Variants in ITFG1 observed in about 807,000 individuals in gnomAD.
The protein encoded by ITFG1 is T-cell immunomodulatory protein.
Under a neutral mutation model 81.8 loss-of-function variants are expected in ITFG1, and 34 were observed. That is an observed-to-expected ratio of 0.42 (90% CI 0.32 to 0.55). The LOEUF (loss-of-function observed/expected upper bound fraction) is 0.55, where lower values mean the gene tolerates loss of function less well. ITFG1 is among the 20% of genes least tolerant of loss of function. ITFG1 has a pLI of 0.17. For missense variants in ITFG1, 672 were observed against 755.4 expected (o/e 0.89, Z 1.29); for synonymous variants, 285 against 270.6 (o/e 1.05, Z -0.52).
At chr16:47,208,570 T>C (rs76694345) in intron 14 of ITFG1, among the ~76,000 whole-genome samples, 1 of 152,198 alleles carries the variant, frequency 6.6e-6, no homozygotes, top group African/African-American at 2.4e-5. Context: ...TTTACTTTAA[T>C]TGTATCGCTT....
At chr16:47,232,691 C>T (rs141883799) in intron 13 of ITFG1, among the ~76,000 whole-genome samples, 1 of 150,938 alleles carries the variant, frequency 6.6e-6, no homozygotes, top group East Asian at 2.0e-4. Context: ...GCCTAGGCTG[C>T]AGTGCAGTGG....
At chr16:47,283,342 C>T (rs1966470299) in intron 10 of ITFG1, among the ~76,000 whole-genome samples, 1 of 152,074 alleles carries the variant, frequency 6.6e-6, no homozygotes, top group South Asian at 2.1e-4. Context: ...AGAGACTGTC[C>T]TCTCCCCATT....
intron 8 of ITFG1, among the ~76,000 whole-genome samples, chr16:47,316,393 C>T (rs946781103): frequency 1.2e-4 from 19 of 152,046 alleles, no homozygotes; most frequent in African/African-American, 3.1e-4. Flanking sequence ...AAATTTTTTT[C>T]GGAACCATGT....
chr16:47,393,029 A>C (rs1182607593), intron 6 of ITFG1, among the ~76,000 whole-genome samples: 1 of 152,212 alleles, frequency 6.6e-6, no homozygotes, highest in Non-Finnish European at 1.5e-5. Context: ...ATGGATAATA[A>C]CTATTTGTTG....
At chr16:47,402,027 C>A (rs183400515) in intron 6 of ITFG1, among the ~76,000 whole-genome samples, 4 of 152,196 alleles carry the variant, frequency 2.6e-5, no homozygotes, top group Admixed American at 2.6e-4. Flanking sequence ...TTTTCTCATC[C>A]CCAAGGGGCT....
intron 5 of ITFG1, chr16:47,450,344 A>G: frequency 8.8e-6 from 2 of 228,070 alleles, no homozygotes; most frequent in South Asian, 8.6e-5. Flanking sequence ...ATTCTTTATT[A>G]AAAACCTACA....
intron 14 of ITFG1, among the ~76,000 whole-genome samples, chr16:47,197,326 C>G (rs1246004809): frequency 6.6e-6 from 1 of 152,130 alleles, no homozygotes; most frequent in Non-Finnish European, 1.5e-5. Context: ...TCCACAATCC[C>G]CCTTCTCTTA....
chr16:47,296,117 C>A (rs1465502969), intron 10 of ITFG1, among the ~76,000 whole-genome samples: 8 of 147,792 alleles, frequency 5.4e-5, no homozygotes, highest in Non-Finnish European at 8.9e-5. Context: ...TTAAATTGTT[C>A]GTAGAGGTAG....
chr16:47,318,170 A>C (rs764287057), intron 8 of ITFG1, among the ~76,000 whole-genome samples: 2 of 152,208 alleles, frequency 1.3e-5, no homozygotes, highest in South Asian at 4.1e-4. Flanking sequence ...GGCAACCACC[A>C]TAGCAGTTTC....
rs57470225 is a variant in ITFG1 at position 47,244,591 on chromosome 16, TTGTGTGTGTGTGTGTGTGTG to T, written c.1331-6603_1331-6584del. 4.5e-3 allele frequency among the ~76,000 whole-genome samples: 533 copies of T among 118,222 alleles called. 1 individual carries two copies. Among genetic ancestry groups the T allele is most frequent in the Middle Eastern group, 4.3e-3 (1 of 230 alleles). The allele number at this position is 118,222 out of a possible 152,430, so 77.6% of individuals were successfully genotyped here. A position where few individuals can be genotyped will look rare whatever the true frequency, so the allele number is the denominator to read the frequency against. ...GCATAATTGCATGGTATTCCATCTT[TTGTGTGTGTGTGTGTGTGTG>T]TGTGTGTGTGTGTGTGTGTGTGTGT... On this transcript the variant is annotated intron_variant, in intron 12 of 17. Transcript: ENST00000320640.
rs576217699 is a variant in ITFG1 at position 47,351,116 on chromosome 16, CA to C, written c.802+14671del. Among the ~76,000 whole-genome samples the C allele has an allele frequency of 2.1e-3, 314 of 152,260 alleles. 4 individuals carry two copies. Among genetic ancestry groups the C allele is most frequent in the African/African-American group, 7.2e-3 (299 of 41,560 alleles). On this transcript the variant is annotated intron_variant, in intron 8 of 17. Coordinates refer to ENST00000320640, the MANE Select transcript of ITFG1 (RefSeq NM_030790.5). Reference sequence around the variant, plus strand: ...CACAGCCAATATCATACTGAATGGACAAAAACTGGAAGCATTCCCTTTGAAA... The same window carrying C: ...CACAGCCAATATCATACTGAATGGACAAAACTGGAAGCATTCCCTTTGAAA...
Position 47,332,188 on chromosome 16 carries a change from T to C in ITFG1, c.803-18365A>G, listed in dbSNP as rs1967645773. ...TGCACAGGTACCCTAAAACTTAAAG[T>C]ATAATAATAATAAAATAAAATAAAA... On this transcript the variant is annotated intron_variant, in intron 8 of 17. Transcript: ENST00000320640. 4.6e-5 allele frequency among the ~76,000 whole-genome samples: 7 copies of C among 151,372 alleles called. No homozygotes were observed. In the South Asian group the frequency reaches 1.5e-3, roughly 31 times the overall value.
intron 5 of ITFG1, among the ~76,000 whole-genome samples, chr16:47,442,940 A>C (rs1380051669): frequency 6.6e-6 from 1 of 152,226 alleles, no homozygotes; most frequent in Non-Finnish European, 1.5e-5. Context: ...ACAGCAAAAG[A>C]AACCACCATC....
intron 12 of ITFG1, among the ~76,000 whole-genome samples, chr16:47,255,102 A>G (rs1490832203): frequency 6.6e-6 from 1 of 152,256 alleles, no homozygotes; most frequent in Non-Finnish European, 1.5e-5. Flanking sequence ...AGTTTATTGA[A>G]GTACACTGGC....
At chr16:47,352,222 C>G (rs1020986967) in intron 8 of ITFG1, among the ~76,000 whole-genome samples, 1 of 152,130 alleles carries the variant, frequency 6.6e-6, no homozygotes, top group African/African-American at 2.4e-5. Context: ...TGTAATTAAA[C>G]TAAAGAGCTT....
At chr16:47,235,825 G>A (rs139529885) in intron 13 of ITFG1, among the ~76,000 whole-genome samples, 5 of 152,230 alleles carry the variant, frequency 3.3e-5, no homozygotes, top group South Asian at 2.1e-4. Flanking sequence ...AAATAATTTC[G>A]CAAGTGGGCA....
intron 14 of ITFG1, among the ~76,000 whole-genome samples, chr16:47,183,729 C>T (rs1213438462): frequency 2.6e-5 from 4 of 152,206 alleles, no homozygotes; most frequent in Non-Finnish European, 5.9e-5. Flanking sequence ...AAGCAGAGCG[C>T]CTCTCCTCCT....
chr16:47,339,306 C>T (rs1173079664), intron 8 of ITFG1, among the ~76,000 whole-genome samples: 2 of 152,140 alleles, frequency 1.3e-5, no homozygotes, highest in African/African-American at 4.8e-5. Context: ...TGGGCATATA[C>T]CTAGCAGTGG....
intron 4 of ITFG1, 104 bp downstream of exon 4, chr16:47,452,629 G>T: frequency 1.4e-6 from 1 of 710,866 alleles, no homozygotes; most frequent in South Asian, 1.7e-5. Context: ...AGGCCTCTGA[G>T]TGAATTTAGT....
Sources: gnomAD v4.1 joint callset for allele counts (sites outside exome capture counted in the v4.1 genomes callset) on GRCh38, gnomAD v4.1.1 for gene constraint, MANE v1.5 for transcripts, NCBI Gene and HGNC (gene_info 2026-07-23, HGNC 2026-07-21) for gene names.